Variants in TBC1D32 observed in about 807,000 individuals in gnomAD.
TBC1D32 encodes protein broad-minded.
A neutral mutation model predicts 170.3 loss-of-function variants in TBC1D32; 151 were observed. The observed-to-expected ratio is 0.89, with a 90% CI of 0.78 to 1.01. TBC1D32 has a LOEUF of 1.01. TBC1D32 is among the 50% of genes least tolerant of loss of function. The pLI is 0.00. For missense variants in TBC1D32, 1,464 were observed against 1,457.1 expected (o/e 1.00, Z -0.08); for synonymous variants, 498 against 488.0 (o/e 1.02, Z -0.27).
intron 24 of TBC1D32, among the ~76,000 whole-genome samples, chr6:121,136,356 AG>A (rs994921901): frequency 6.6e-6 from 1 of 152,218 alleles, no homozygotes; most frequent in African/African-American, 2.4e-5. Context: ...ATGCTGGAAC[AG>A]GAAAAACTAA....
chr6:121,139,432 G>A (rs1175542592), intron 24 of TBC1D32, among the ~76,000 whole-genome samples: 1 of 152,116 alleles, frequency 6.6e-6, no homozygotes, highest in East Asian at 1.9e-4. Flanking sequence ...AGAATGGATT[G>A]TCATCAATTT....
chr6:121,081,877 T>C (rs940574240), intron 31 of TBC1D32, among the ~76,000 whole-genome samples: 1 of 152,130 alleles, frequency 6.6e-6, no homozygotes, highest in South Asian at 2.1e-4. Context: ...TATTTTGCCA[T>C]CATTACCAAA....
chr6:121,200,668 A>ATTT (rs1415082692), intron 22 of TBC1D32, among the ~76,000 whole-genome samples: 3 of 151,596 alleles, frequency 2.0e-5, no homozygotes. Flanking sequence ...AGAAGAAATA[A>ATTT]ATTAACTATT....
chr6:121,242,722 G>C (rs1797138218), intron 17 of TBC1D32, among the ~76,000 whole-genome samples: 1 of 151,880 alleles, frequency 6.6e-6, no homozygotes, highest in African/African-American at 2.4e-5. Context: ...TCATTATAAA[G>C]TATCTGTCTT....
chr6:121,134,044 A>T (rs1402152126), intron 24 of TBC1D32, among the ~76,000 whole-genome samples: 1 of 152,156 alleles, frequency 6.6e-6, no homozygotes, highest in East Asian at 1.9e-4. Flanking sequence ...GTAAAGACTT[A>T]ATTCGACATT....
Position 121,256,246 on chromosome 6 carries a change from T to G in TBC1D32, c.1773A>C (p.Lys591Asn). 1 of 1,613,402 alleles carries G rather than the reference T, an allele frequency of 6.2e-7. No individual in the cohort carries two copies. Among genetic ancestry groups the G allele is most frequent in the South Asian group, 1.1e-5 (1 of 90,954 alleles). ...ATATAGAAATATCTTCATCGAGAAG[T>G]TTTTTCGAAAACTGGGCAATTATAT... ...GAHIIAQFSK[K>N]LLDEDISIFS... The change falls in exon 16 of 32, where the codon AAA (lysine) becomes AAC (asparagine). Residue 591 changes from lysine (K) to asparagine (N), a missense_variant. This residue lies in a region of TBC1D32 where 1,363 missense variants were observed against 1,338.1 expected (regional missense o/e 1.02). Transcript: ENST00000398212.
chr6:121,129,558 GA>G (rs1216229100), intron 25 of TBC1D32, among the ~76,000 whole-genome samples: 10 of 152,246 alleles, frequency 6.6e-5, no homozygotes, highest in African/African-American at 2.4e-4. Context: ...TATGAAGGAT[GA>G]AATTACAGGC....
intron 21 of TBC1D32, among the ~76,000 whole-genome samples, chr6:121,209,342 T>A (rs1171983264): frequency 2.0e-5 from 3 of 152,172 alleles, no homozygotes; most frequent in Non-Finnish European, 2.9e-5. Context: ...ACATTTAGCA[T>A]GAGATCTGCC....
At chr6:121,220,261 T>C (rs1226614971) in intron 21 of TBC1D32, among the ~76,000 whole-genome samples, 1 of 152,082 alleles carries the variant, frequency 6.6e-6, no homozygotes, top group African/African-American at 2.4e-5. Flanking sequence ...AAAGAAAAAG[T>C]TCTTTAAGGA....
At chr6:121,204,224 T>G (rs902693235) in intron 22 of TBC1D32, among the ~76,000 whole-genome samples, 1 of 151,196 alleles carries the variant, frequency 6.6e-6, no homozygotes, top group Non-Finnish European at 1.5e-5. Flanking sequence ...CCCAAAGAAC[T>G]ACAATAGTAG....
At chr6:121,217,306 T>C (rs1793952783) in intron 21 of TBC1D32, among the ~76,000 whole-genome samples, 1 of 152,268 alleles carries the variant, frequency 6.6e-6, no homozygotes, top group Admixed American at 6.5e-5. Flanking sequence ...AGGCCAGCAA[T>C]ATACCTTTTC....
At chr6:121,272,427 C>T (rs1280336583) in intron 15 of TBC1D32, among the ~76,000 whole-genome samples, 2 of 152,026 alleles carry the variant, frequency 1.3e-5, no homozygotes, top group Admixed American at 1.3e-4. Context: ...AAACAAACAA[C>T]CCCATCAAAA....
Position 121,140,174 on chromosome 6 carries a change from C to G in TBC1D32, c.2774-8422G>C, listed in dbSNP as rs1432235942. On this transcript the variant is annotated intron_variant, in intron 24 of 31. Coordinates refer to ENST00000398212, the MANE Select transcript of TBC1D32 (RefSeq NM_152730.6). The stretch of plus-strand genomic sequence containing the variant: ...GACTCATACATAGAACCCAATGATT[C>G]AAGACATATTTTATACTGAATTCAT... Among the ~76,000 whole-genome samples the G allele has an allele frequency of 3.3e-5, 5 of 151,842 alleles. No homozygotes were observed. The East Asian group carries it at 9.6e-4, about 29-fold the overall frequency.
intron 22 of TBC1D32, among the ~76,000 whole-genome samples, chr6:121,178,976 A>T (rs1788151410): frequency 6.6e-6 from 1 of 152,218 alleles, no homozygotes; most frequent in Admixed American, 6.6e-5. Context: ...CTGTGAACAG[A>T]GGAACCAGCT....
intron 22 of TBC1D32, among the ~76,000 whole-genome samples, chr6:121,185,355 A>T (rs1789059261): frequency 6.6e-6 from 1 of 152,094 alleles, no homozygotes; most frequent in African/African-American, 2.4e-5. Context: ...CACTTGTGTT[A>T]TCAGGGCTAA....
chr6:121,213,093 A>G (rs1038711248), intron 21 of TBC1D32, among the ~76,000 whole-genome samples: 8 of 152,194 alleles, frequency 5.3e-5, no homozygotes, highest in African/African-American at 1.9e-4. Flanking sequence ...AGCCAACATC[A>G]TACCATTCAG....
chr6:121,239,391 A>C (rs896657064), intron 19 of TBC1D32, among the ~76,000 whole-genome samples: 1 of 151,854 alleles, frequency 6.6e-6, no homozygotes, highest in African/African-American at 2.4e-5. Context: ...TTATCATAAA[A>C]CTCTGTAATA....
intron 17 of TBC1D32, among the ~76,000 whole-genome samples, chr6:121,248,586 A>G (rs1157907855): frequency 6.6e-6 from 1 of 152,036 alleles, no homozygotes; most frequent in Non-Finnish European, 1.5e-5. Flanking sequence ...AAAAAAGCAG[A>G]TCCAAATAAG....
At chr6:121,254,767 A>G (rs1233183820) in intron 17 of TBC1D32, among the ~76,000 whole-genome samples, 1 of 152,068 alleles carries the variant, frequency 6.6e-6, no homozygotes, top group African/African-American at 2.4e-5. Context: ...TAAGAACAGA[A>G]CCCAGAAAAA....
Sources: allele counts gnomAD v4.1 joint callset (sites outside exome capture counted in the v4.1 genomes callset), GRCh38; gene constraint gnomAD v4.1.1; regional missense constraint gnomAD v4.1.1; transcripts MANE v1.5; gene names NCBI Gene and HGNC (gene_info 2026-07-23, HGNC 2026-07-21).